The following LDLRAP1 variants were observed in gnomAD, a reference collection of about 807,000 sequenced individuals.
LDLRAP1 encodes the protein low density lipoprotein receptor adapter protein 1.
In LDLRAP1, 30 loss-of-function variants were observed where a neutral mutation model predicts 37.8. The ratio of observed to expected loss-of-function variants is 0.79; its 90% CI spans 0.59 to 1.08. The LOEUF (loss-of-function observed/expected upper bound fraction) is 1.08, where lower values mean the gene tolerates loss of function less well. Ranked by LOEUF, LDLRAP1 falls within the 50% of genes least tolerant of loss-of-function variation. The probability of loss-of-function intolerance (pLI) is 0.00; values close to 1 mark genes in which losing one functional copy is unlikely to be tolerated. For missense variants in LDLRAP1, 375 were observed against 401.6 expected, an observed-to-expected ratio of 0.93 and a Z score of 0.57; for synonymous variants, 156 against 169.8, an observed-to-expected ratio of 0.92 and a Z score of 0.63.
chr1:25,560,377 G>T (rs2124683178), intron 4 of LDLRAP1, among the ~76,000 whole-genome samples: 1 of 152,240 alleles, frequency 6.6e-6, no homozygotes, highest in African/African-American at 2.4e-5. Flanking sequence ...TCACCCACCA[G>T]TCCGTTCAAC....
In LDLRAP1 at chr1:25,566,834, G is replaced by GCTCT. The variant is rs748674905; in HGVS notation, c.783-13_783-10dup. On this transcript the variant is annotated splice_polypyrimidine_tract_variant and intron_variant, in intron 8 of 8. Coordinates refer to ENST00000374338, the MANE Select transcript of LDLRAP1 (RefSeq NM_015627.3). ...CTCACCCAGGCTCTCGGCTCACACAGCTCTGCCTTCCAGGCTTGCCCAGTC... is the reference window on the plus strand; with the variant it reads ...CTCACCCAGGCTCTCGGCTCACACAGCTCTCTCTGCCTTCCAGGCTTGCCCAGTC... The GCTCT allele has an allele frequency of 4.8e-5, 77 of 1,603,954 alleles. No homozygotes were observed. Among genetic ancestry groups the GCTCT allele is most frequent in the Non-Finnish European group, 6.5e-5 (76 of 1,175,724 alleles).
At chr1:25,582,011 A>G in the LDLRAP1 span, among the ~76,000 whole-genome samples, 2 of 152,146 alleles carry the variant, frequency 1.3e-5, no homozygotes, top group Admixed American at 6.5e-5. Flanking sequence ...GCTTGGTGAA[A>G]TCCAGCCCCA....
chr1:25,570,642 G>A (rs1007824052), downstream of LDLRAP1, among the ~76,000 whole-genome samples: 3 of 152,044 alleles, frequency 2.0e-5, no homozygotes, highest in Admixed American at 6.5e-5. Flanking sequence ...GGCGGATCAC[G>A]AGGTCAGGAG....
chr1:25,580,352 C>G, the LDLRAP1 span, among the ~76,000 whole-genome samples: 2 of 152,046 alleles, frequency 1.3e-5, no homozygotes, highest in Non-Finnish European at 2.9e-5. Context: ...TGCACTCCAG[C>G]CTGGGTAACA....
At chr1:25,547,332 A>G (rs1206583066) in intron 1 of LDLRAP1, among the ~76,000 whole-genome samples, 1 of 151,844 alleles carries the variant, frequency 6.6e-6, no homozygotes, top group Admixed American at 6.6e-5. Flanking sequence ...AAAATATAAA[A>G]ATTAGCTGGG....
chr1:25,573,929 TCATGGAGCTGACGCTCCC>T, the LDLRAP1 span, among the ~76,000 whole-genome samples: 1 of 152,194 alleles, frequency 6.6e-6, no homozygotes, highest in African/African-American at 2.4e-5. Flanking sequence ...ATCCCCATCC[TCATGGAGCTGACGCTCCC>T]CCAAATATGT....
chr1:25,589,357 C>A, the LDLRAP1 span, among the ~76,000 whole-genome samples: 2 of 143,102 alleles, frequency 1.4e-5, no homozygotes, highest in East Asian at 4.7e-4. Flanking sequence ...GGGTGAGCAA[C>A]ACTAAGGAGT....
intron 4 of LDLRAP1, among the ~76,000 whole-genome samples, chr1:25,558,961 T>C (rs1387548009): frequency 6.6e-6 from 1 of 152,178 alleles, no homozygotes; most frequent in Non-Finnish European, 1.5e-5. Flanking sequence ...AGATCCTGCC[T>C]TTCTCTGGGC....
downstream of LDLRAP1, among the ~76,000 whole-genome samples, chr1:25,573,413 C>T (rs1440036580): frequency 1.3e-5 from 2 of 152,136 alleles, no homozygotes; most frequent in Non-Finnish European, 2.9e-5. Context: ...AGGGATCTGG[C>T]GGCTGCTGCT....
chr1:25,545,702 G>C (rs2043917967), intron 1 of LDLRAP1, among the ~76,000 whole-genome samples: 1 of 152,178 alleles, frequency 6.6e-6, no homozygotes, highest in South Asian at 2.1e-4. Context: ...AAGGAGGGCA[G>C]GCCGAGCCCC....
downstream of LDLRAP1, among the ~76,000 whole-genome samples, chr1:25,569,870 C>T (rs1442356473): frequency 1.3e-5 from 2 of 152,200 alleles, no homozygotes; most frequent in Non-Finnish European, 1.5e-5. Flanking sequence ...AGCCGCCAAC[C>T]TGTGTGGCCC....
intron 7 of LDLRAP1, 85 bp from the exon 8 acceptor site, chr1:25,565,088 G>C: frequency 6.8e-7 from 1 of 1,474,368 alleles, no homozygotes; most frequent in Non-Finnish European, 9.5e-7. Flanking sequence ...AGTCCCTGTA[G>C]CTTACCCAGG....
chr1:25,552,431 T>C (rs2124657493), intron 1 of LDLRAP1, among the ~76,000 whole-genome samples: 1 of 152,324 alleles, frequency 6.6e-6, no homozygotes, highest in South Asian at 2.1e-4. Flanking sequence ...AAGCTGGCCC[T>C]GGCTACCTCT....
intron 8 of LDLRAP1, 118 bp from the exon 9 acceptor site, chr1:25,566,730 G>C (rs4523506): frequency 1.9e-5 from 24 of 1,275,562 alleles, no homozygotes; most frequent in Non-Finnish European, 2.5e-5. Flanking sequence ...CCCCTGCACC[G>C]GGGGCTTCCT....
At chr1:25,586,312 A>G in the LDLRAP1 span, among the ~76,000 whole-genome samples, 5 of 152,054 alleles carry the variant, frequency 3.3e-5, no homozygotes. The surrounding 1 kb of genome is among the most constrained non-coding windows in gnomAD (Gnocchi z 4.3). Context: ...GGCTGGAGAG[A>G]GTTGCAGACT....
the LDLRAP1 span, among the ~76,000 whole-genome samples, chr1:25,582,553 C>T: frequency 4.0e-5 from 6 of 151,116 alleles, no homozygotes; most frequent in South Asian, 1.3e-3. Flanking sequence ...CCACTGCACT[C>T]CAGCCTGGCG....
chr1:25,566,329 G>A (rs1265306951), intron 8 of LDLRAP1, among the ~76,000 whole-genome samples: 1 of 152,206 alleles, frequency 6.6e-6, no homozygotes, highest in Non-Finnish European at 1.5e-5. Context: ...GCTCCAGGCT[G>A]TTAAAAGCTC....
intron 1 of LDLRAP1, among the ~76,000 whole-genome samples, chr1:25,551,562 T>C (rs2044072147): frequency 6.6e-6 from 1 of 152,234 alleles, no homozygotes; most frequent in African/African-American, 2.4e-5. Flanking sequence ...TTTTCCCTGA[T>C]GATGGTGCTG....
intron 6 of LDLRAP1, 159 bp from the exon 7 acceptor site, chr1:25,563,502 G>A: frequency 1.1e-6 from 1 of 904,664 alleles, no homozygotes; most frequent in Non-Finnish European, 1.7e-6. Context: ...TCTGTGGGCA[G>A]CTGCGCATCT....
Sources: allele counts gnomAD v4.1 joint callset (sites outside exome capture counted in the v4.1 genomes callset), GRCh38; gene constraint gnomAD v4.1.1; non-coding constraint Gnocchi (gnomAD v3.1); transcripts MANE v1.5; gene names NCBI Gene and HGNC (gene_info 2026-07-23, HGNC 2026-07-21).